Variants in PSG9 observed in about 807,000 individuals in gnomAD.
PSG9 encodes the protein pregnancy specific beta-1-glycoprotein 9, also known as pregnancy-specific beta-1-glycoprotein 9.
Under a neutral mutation model 41.9 loss-of-function variants are expected in PSG9, and 49 were observed. The observed-to-expected ratio is 1.17, with a 90% CI of 0.93 to 1.48. PSG9 has a LOEUF of 1.48. PSG9 is among the 40% of genes most tolerant of loss of function. The probability of loss-of-function intolerance (pLI) is 0.00; values close to 1 mark genes in which losing one functional copy is unlikely to be tolerated. For synonymous variants in PSG9, 263 were observed against 196.8 expected, an observed-to-expected ratio of 1.34 and a Z score of -2.82; for missense variants, 641 against 520.3, an observed-to-expected ratio of 1.23 and a Z score of -2.26.
chr19:43,258,091 T>C, intron 5 of PSG9, 111 bp downstream of exon 5: 3 of 1,589,704 alleles, frequency 1.9e-6, no homozygotes, highest in South Asian at 1.1e-5. Context: ...TGGGATTTGC[T>C]TGTGCCCATG....
At chr19:43,253,681 A>T in intron 5 of PSG9, 35 bp from the exon 6 acceptor site, 1 of 1,212,476 alleles carries the variant, frequency 8.2e-7, no homozygotes, top group Non-Finnish European at 1.2e-6. Flanking sequence ...GTGCATTTCA[A>T]ATTCACTACC....
intron 3 of PSG9, chr19:43,259,579 A>C (rs1968613507): frequency 5.4e-6 from 1 of 184,904 alleles, no homozygotes; most frequent in African/African-American, 2.5e-5. Flanking sequence ...AGAGATGAGT[A>C]ATAATGGGAC....
Position 43,262,125 on chromosome 19 carries a change from C to G in PSG9, c.444G>C (p.Lys148Asn), listed in dbSNP as rs1230399355. 11 of 1,613,494 alleles carry G rather than the reference C, an allele frequency of 6.8e-6. No homozygotes were observed. Among genetic ancestry groups the G allele is most frequent in the Non-Finnish European group, 9.3e-6 (11 of 1,179,662 alleles). Residue 148 changes from lysine to asparagine, a missense_variant, in exon 3 of 6, where the codon AAG becomes AAC. Physicochemically the swap from Lys to Asn is moderately conservative, Grantham distance 94 (BLOSUM62 0). Coordinates refer to ENST00000270077, the MANE Select transcript of PSG9 (RefSeq NM_002784.5). The stretch of plus-strand genomic sequence containing the variant: ...TTAAGTTGCTGCTGGAGATGTAGGG[C>G]TTGGGAGTCTCCACTGTGCAGAAAA... ...FTFTLYLETP[K>N]PYISSSNLNP... is the part of the protein sequence containing the mutation.
At chr19:43,269,248 C>G in intron 1 of PSG9, 120 bp downstream of exon 1, 2 of 1,531,846 alleles carry the variant, frequency 1.3e-6, no homozygotes, top group South Asian at 2.3e-5. Context: ...TCGTGATCCA[C>G]CCACCTCAGC....
At position 43,261,524 on chromosome 19, in the gene PSG9, G is replaced by A. The variant is rs149368560; in HGVS notation, c.709+336C>T. Among the ~76,000 whole-genome samples the A allele has an allele frequency of 2.9e-3, 443 of 152,278 alleles. 5 individuals carry two copies. Among genetic ancestry groups the A allele is most frequent in the Non-Finnish European group, 2.6e-3 (180 of 68,010 alleles). ...GAGGGAAGGGAAAATCCTGGTCTGT[G>A]GAAGGGCCACAGTGACCCTGTGAGC... is the stretch of plus-strand genomic sequence containing the variant. On this transcript the variant is annotated intron_variant, in intron 3 of 5. Transcript: ENST00000270077.
intron 2 of PSG9, among the ~76,000 whole-genome samples, chr19:43,264,253 A>G (rs542417039): frequency 3.9e-5 from 6 of 152,254 alleles, no homozygotes; most frequent in African/African-American, 1.2e-4. Flanking sequence ...TTGTCCCACA[A>G]CTACAAAATT....
chr19:43,265,295 G>A (rs565931288), intron 2 of PSG9, among the ~76,000 whole-genome samples: 5 of 152,250 alleles, frequency 3.3e-5, no homozygotes, highest in South Asian at 2.1e-4. Context: ...TGACTGCTCC[G>A]ATGTCATTTG....
intron 2 of PSG9, 43 bp from the exon 3 acceptor site, chr19:43,262,181 T>G (rs1332938386): frequency 1.3e-6 from 2 of 1,587,716 alleles, no homozygotes; most frequent in African/African-American, 1.4e-5. Flanking sequence ...GTGGCACCTT[T>G]GATTCCTCCA....
intron 2 of PSG9, among the ~76,000 whole-genome samples, chr19:43,262,465 T>C (rs1456782390): frequency 1.3e-5 from 2 of 152,150 alleles, no homozygotes; most frequent in African/African-American, 2.4e-5. Context: ...TGGCCCAACT[T>C]GTGGTCCTCA....
rs775070639 is a variant in PSG9, at chr19:43,269,372, G to A, written c.60C>T (p.Leu20=). ...CCCAGGAAGTTCTCTCCTCACCTGT[G>A]AGCAGGAGCCCCTTCCAGGTGATGC... ...TQRITWKGLL[L]TASLLNFWNP... The change falls in exon 1 of 6, where the codon CTC becomes CTT. Residue 20 remains leucine, a synonymous_variant. Coordinates refer to ENST00000270077, the MANE Select transcript of PSG9 (RefSeq NM_002784.5). 11 of 1,613,542 alleles carry A rather than the reference G, an allele frequency of 6.8e-6. 1 individual carries two copies. Among genetic ancestry groups the A allele is most frequent in the East Asian group, 2.2e-5 (1 of 44,836 alleles).
chr19:43,269,026 A>G lies in PSG9; in HGVS notation c.64+342T>C, dbSNP rs140153842. Among the ~76,000 whole-genome samples, 661 of 150,532 alleles carry G rather than the reference A, an allele frequency of 4.4e-3. 6 individuals are homozygous for G. Among genetic ancestry groups the G allele is most frequent in the African/African-American group, 0.016 (637 of 40,852 alleles). ...TTCCTTTTTTTCTTTTTTTTTTGAG[A>G]CGGAGTCTCGTACTGTCGCCCAGGC... On this transcript the variant is annotated intron_variant, in intron 1 of 5. Transcript: ENST00000270077.
intron 2 of PSG9, among the ~76,000 whole-genome samples, chr19:43,264,602 C>T (rs150535546): frequency 0.014 from 2,201 of 152,170 alleles, 48 homozygotes; most frequent in African/African-American, 0.05. Flanking sequence ...GGACTACAGG[C>T]GCCCACCACC....
rs1251083438 is a variant in PSG9 at position 43,260,544 on chromosome 19, A to G, written c.709+1316T>C. 1.4e-5 allele frequency: 2 copies of G among 146,900 alleles called. 1 individual carries two copies. Among genetic ancestry groups the G allele is most frequent in the East Asian group, 4.6e-4 (2 of 4,356 alleles). 9.1% of individuals were successfully genotyped at this position (146,900 alleles called of 1,614,324 possible). Reference sequence around the variant, plus strand: ...TAGCTTGATGATTAGTTTTTGGTCAATTCCATACTGGCCATGCTGCACTCA... The same window carrying G: ...TAGCTTGATGATTAGTTTTTGGTCAGTTCCATACTGGCCATGCTGCACTCA... On this transcript the variant is annotated intron_variant, in intron 3 of 5. Transcript: ENST00000270077.
rs566368815 is a variant in PSG9 at position 43,261,157 on chromosome 19, G to T, written c.709+703C>A. On this transcript the variant is annotated intron_variant, in intron 3 of 5. Transcript: ENST00000270077. Reference sequence around the variant, plus strand: ...GCAGGTGGCTGTTCCCTGACAGCTAGATAGACTTCACTGGAAAACATAGTG... The same window carrying T: ...GCAGGTGGCTGTTCCCTGACAGCTATATAGACTTCACTGGAAAACATAGTG... 1.3e-3 allele frequency among the ~76,000 whole-genome samples: 198 copies of T among 152,244 alleles called. 1 individual carries two copies. Among genetic ancestry groups the T allele is most frequent in the Non-Finnish European group, 2.4e-3 (165 of 68,002 alleles).
In PSG9 at chr19:43,259,136, C is replaced by T. The variant is rs148974755; in HGVS notation, c.710-1G>A. 1.4e-5 allele frequency: 22 copies of T among 1,589,914 alleles called. 3 individuals are homozygous for T. In the African/African-American group the frequency reaches 1.4e-4, roughly 10 times the overall value. On this transcript the variant is annotated splice_acceptor_variant, in intron 3 of 5. Coordinates refer to ENST00000270077, the MANE Select transcript of PSG9 (RefSeq NM_002784.5). LOFTEE classifies it high-confidence loss of function. ...GTGATGTAGGGGATGGGCAGCTTCG[C>T]TGTGTGGATAACAGAGAGAAGATTG...
At chr19:43,263,235 G>A (rs1968810704) in intron 2 of PSG9, among the ~76,000 whole-genome samples, 1 of 152,108 alleles carries the variant, frequency 6.6e-6, no homozygotes, top group African/African-American at 2.4e-5. Context: ...TTCCAGTTAT[G>A]CAGGATGAGG....
rs529291916 is a variant in PSG9 at position 43,267,204 on chromosome 19, A to G, written c.430+580T>C. Among the ~76,000 whole-genome samples, 3 of 152,264 alleles carry G rather than the reference A, an allele frequency of 2.0e-5. No homozygotes were observed. The South Asian group carries it at 6.2e-4, about 32-fold the overall frequency. ...CCTCTCCACTCTGAGTGTCAGCTGA[A>G]AAAGCTCTGTCCTTGCCCAGATGAG... On this transcript the variant is annotated intron_variant, in intron 2 of 5. Coordinates refer to ENST00000270077, the MANE Select transcript of PSG9 (RefSeq NM_002784.5).
At chr19:43,258,757 G>GGT in intron 4 of PSG9, 100 bp downstream of exon 4, 1 of 1,512,844 alleles carries the variant, frequency 6.6e-7, no homozygotes. Flanking sequence ...TAGAAGTAAA[G>GGT]GTGTCTATAC....
rs189993383 is a variant in PSG9, at chr19:43,253,562, A to C, written c.*47T>G. On this transcript the variant is annotated 3_prime_UTR_variant, in exon 6 of 6. Transcript: ENST00000270077. ...TTTTTTCTTCTTTGTCTTGAATTTC[A>C]TGAAGGTATCAGCCTGTTCTTTTTC... The C allele has an allele frequency of 3.0e-3, 2,017 of 671,998 alleles. 137 individuals carry two copies. The highest frequency in any genetic ancestry group is 3.3e-3 in the Non-Finnish European group (1,249 of 376,624). The allele number at this position is 671,998 out of a possible 1,614,324, so 41.6% of individuals were successfully genotyped here.
Sources: allele counts gnomAD v4.1 joint callset (sites outside exome capture counted in the v4.1 genomes callset), GRCh38; gene constraint gnomAD v4.1.1; transcripts MANE v1.5; gene names NCBI Gene and HGNC (gene_info 2026-07-23, HGNC 2026-07-21).